NRXN1: variants seen among roughly 807,000 people sequenced by gnomAD.
The protein encoded by NRXN1 is neurexin 1.
NRXN1 carries 39 observed loss-of-function variants against 150.9 expected under a neutral mutation model. The observed-to-expected ratio is 0.26, with a 90% CI of 0.20 to 0.34. NRXN1 has a LOEUF of 0.34. NRXN1 is among the 10% of genes least tolerant of loss of function. The pLI is 1.00. For synonymous variants in NRXN1, 924 were observed against 757.0 expected, an observed-to-expected ratio of 1.22 and a Z score of -3.62; for missense variants, 1,815 against 1,949.9, an observed-to-expected ratio of 0.93 and a Z score of 1.30.
chr2:50,847,417 A>T (rs1206567749), intron 5 of NRXN1, among the ~76,000 whole-genome samples: 1 of 152,060 alleles, frequency 6.6e-6, no homozygotes. Flanking sequence ...ACTGCAGGGG[A>T]AACAATACTG....
intron 8 of NRXN1, among the ~76,000 whole-genome samples, chr2:50,556,501 T>C (rs1668279783): frequency 6.6e-6 from 1 of 150,700 alleles, no homozygotes; most frequent in South Asian, 2.2e-4. Flanking sequence ...TTTGGGGACA[T>C]TGATTTTTTT....
chr2:50,138,578 C>T (rs534971610), intron 18 of NRXN1, among the ~76,000 whole-genome samples: 16 of 152,348 alleles, frequency 1.1e-4, no homozygotes, highest in African/African-American at 3.4e-4. Context: ...ATTATCATGT[C>T]TCACTGCCCC....
At chr2:50,712,275 C>A (rs2105052501) in intron 5 of NRXN1, among the ~76,000 whole-genome samples, 1 of 152,224 alleles carries the variant, frequency 6.6e-6, no homozygotes, top group East Asian at 1.9e-4. Flanking sequence ...TCTTCCCTTT[C>A]CTTTCCAATG....
chr2:50,720,308 T>C (rs771448530), intron 5 of NRXN1, among the ~76,000 whole-genome samples: 1 of 152,072 alleles, frequency 6.6e-6, no homozygotes, highest in Non-Finnish European at 1.5e-5. Flanking sequence ...AGTTACAACA[T>C]GTCTCTTTCA....
intron 17 of NRXN1, among the ~76,000 whole-genome samples, chr2:50,268,392 A>AGG (rs1303717582): frequency 4.9e-4 from 75 of 152,286 alleles, no homozygotes; most frequent in African/African-American, 1.8e-3. Context: ...TAGGCTTAGT[A>AGG]CTACACCCAA....
chr2:50,233,019 T>C (rs1304014279), intron 18 of NRXN1, among the ~76,000 whole-genome samples: 1 of 152,030 alleles, frequency 6.6e-6, no homozygotes, highest in East Asian at 1.9e-4. Context: ...TGGAGGACTT[T>C]CTCAGAGTTA....
At chr2:49,937,178 C>G (rs1671196815) in intron 22 of NRXN1, among the ~76,000 whole-genome samples, 1 of 152,160 alleles carries the variant, frequency 6.6e-6, no homozygotes, top group Non-Finnish European at 1.5e-5. Flanking sequence ...GTAAAACTAT[C>G]CCCCTGTCAT....
chr2:50,286,481 G>A (rs1194824896), intron 17 of NRXN1, among the ~76,000 whole-genome samples: 4 of 152,108 alleles, frequency 2.6e-5, no homozygotes, highest in South Asian at 4.1e-4. Context: ...ATTATGGCTG[G>A]ATAGTAGTCT....
chr2:50,921,237 C>G (rs1292818468), intron 5 of NRXN1, among the ~76,000 whole-genome samples: 1 of 151,738 alleles, frequency 6.6e-6, no homozygotes, highest in Admixed American at 6.6e-5. Flanking sequence ...GGATTTCGTA[C>G]CAACATCATC....
intron 8 of NRXN1, among the ~76,000 whole-genome samples, chr2:50,594,292 T>C (rs1674794018): frequency 6.6e-6 from 1 of 152,348 alleles, no homozygotes; most frequent in Admixed American, 6.5e-5. Flanking sequence ...CGCATTTCCT[T>C]GGTTTTGTGG....
In NRXN1 at chr2:50,236,284, T is replaced by A. The variant is rs1036361711; in HGVS notation, c.3546+505A>T. On this transcript the variant is annotated intron_variant, in intron 18 of 22. Transcript: ENST00000401669. ...TGAGTACAAAATGGCACAGAAACAA[T>A]CTTTTTGCCATCTTGTTTCACATCC... Among the ~76,000 whole-genome samples the A allele has an allele frequency of 7.2e-5, 11 of 152,156 alleles. No individual in the cohort carries two copies. The South Asian group carries it at 1.7e-3, about 23-fold the overall frequency.
At chr2:50,461,849 A>G (rs906989875) in intron 17 of NRXN1, among the ~76,000 whole-genome samples, 3 of 151,996 alleles carry the variant, frequency 2.0e-5, no homozygotes, top group Non-Finnish European at 4.4e-5. Flanking sequence ...AAGCAGACAT[A>G]GTGAAAGAAT....
intron 18 of NRXN1, among the ~76,000 whole-genome samples, chr2:50,186,424 T>C (rs982408659): frequency 1.3e-5 from 2 of 152,090 alleles, no homozygotes; most frequent in Admixed American, 6.6e-5. Flanking sequence ...GAATCTCAAA[T>C]ATGAATTCAT....
At chr2:50,830,809 C>A (rs1241794168) in intron 5 of NRXN1, among the ~76,000 whole-genome samples, 1 of 151,474 alleles carries the variant, frequency 6.6e-6, no homozygotes, top group Non-Finnish European at 1.5e-5. Flanking sequence ...TTTACTAAAT[C>A]TCAACATAAG....
chr2:50,721,658 T>C (rs544463357), intron 5 of NRXN1, among the ~76,000 whole-genome samples: 9 of 152,320 alleles, frequency 5.9e-5, no homozygotes, highest in African/African-American at 2.2e-4. Flanking sequence ...AAGTGAAAAT[T>C]AAAGCAGTTA....
At chr2:50,816,058 C>T (rs1668887149) in intron 5 of NRXN1, among the ~76,000 whole-genome samples, 1 of 152,136 alleles carries the variant, frequency 6.6e-6, no homozygotes, top group South Asian at 2.1e-4. Flanking sequence ...AACCAAAACA[C>T]TTGAATATCA....
At chr2:50,957,183 A>G (rs1028329712) in intron 2 of NRXN1, among the ~76,000 whole-genome samples, 5 of 152,170 alleles carry the variant, frequency 3.3e-5, no homozygotes, top group Non-Finnish European at 7.3e-5. Context: ...AAAATTCAGT[A>G]AAAGAACCTG....
chr2:50,340,624 GACA>G (rs891791971), intron 17 of NRXN1, among the ~76,000 whole-genome samples: 6 of 151,928 alleles, frequency 3.9e-5, no homozygotes, highest in Admixed American at 3.9e-4. Context: ...CCTGGGAAAA[GACA>G]ACAAGACCAT....
chr2:50,730,637 T>A (rs913877700), intron 5 of NRXN1, among the ~76,000 whole-genome samples: 1 of 151,852 alleles, frequency 6.6e-6, no homozygotes, highest in African/African-American at 2.4e-5. Flanking sequence ...TTCGTCCACT[T>A]TGACTACAAA....
Sources: allele counts gnomAD v4.1 joint callset (sites outside exome capture counted in the v4.1 genomes callset), GRCh38; gene constraint gnomAD v4.1.1; transcripts MANE v1.5; gene names NCBI Gene and HGNC (gene_info 2026-07-23, HGNC 2026-07-21).